The following LIN54 variants were observed in gnomAD, a reference collection of about 807,000 sequenced individuals.
LIN54 encodes the protein protein lin-54 homolog.
LIN54 carries 9 observed loss-of-function variants against 78.7 expected under a neutral mutation model. The ratio of observed to expected loss-of-function variants is 0.11; its 90% CI spans 0.07 to 0.20. The LOEUF (loss-of-function observed/expected upper bound fraction) is 0.20, where lower values mean the gene tolerates loss of function less well. Among genes scored for constraint, LIN54 ranks in the 10% least tolerant of loss-of-function variants. The pLI, the probability that LIN54 is intolerant of heterozygous loss-of-function variation, is 1.00. For missense variants in LIN54, 573 were observed against 889.9 expected (o/e 0.64, Z 4.53); for synonymous variants, 269 against 318.4 (o/e 0.84, Z 1.65).
chr4:82,992,168 A>C (rs1727773228), intron 1 of LIN54, among the ~76,000 whole-genome samples: 1 of 152,198 alleles, frequency 6.6e-6, no homozygotes, highest in South Asian at 2.1e-4. Flanking sequence ...TTTCTTCCCG[A>C]GTAACCTGGG....
At chr4:82,976,199 G>A (rs1418150317) in intron 3 of LIN54, among the ~76,000 whole-genome samples, 1 of 152,144 alleles carries the variant, frequency 6.6e-6, no homozygotes, top group Non-Finnish European at 1.5e-5. Flanking sequence ...AGAAAGCACT[G>A]GCATTTGAAC....
intron 4 of LIN54, among the ~76,000 whole-genome samples, chr4:82,967,318 G>A (rs947645160): frequency 5.9e-5 from 9 of 152,186 alleles, no homozygotes; most frequent in African/African-American, 1.7e-4. Flanking sequence ...GAGTTCCTGG[G>A]ATAACCTGAC....
intron 1 of LIN54, among the ~76,000 whole-genome samples, chr4:82,998,592 AAG>A (rs1358552888): frequency 6.6e-6 from 1 of 151,970 alleles, no homozygotes; most frequent in East Asian, 1.9e-4. Flanking sequence ...AGAGAAAGAA[AAG>A]AGAGAAAGAG....
At chr4:82,970,880 C>A (rs1237023167) in intron 3 of LIN54, among the ~76,000 whole-genome samples, 1 of 152,128 alleles carries the variant, frequency 6.6e-6, no homozygotes, top group East Asian at 1.9e-4. Context: ...CATGAAGGTA[C>A]AATTGAAATC....
chr4:83,011,698 C>G (rs552394529), upstream of LIN54, among the ~76,000 whole-genome samples: 1 of 151,854 alleles, frequency 6.6e-6, no homozygotes, highest in South Asian at 2.1e-4. Context: ...GTAAGAGTTA[C>G]CAGCTCTTGT....
intron 1 of LIN54, among the ~76,000 whole-genome samples, chr4:82,991,223 G>T (rs887710693): frequency 2.0e-5 from 3 of 149,870 alleles, no homozygotes; most frequent in Non-Finnish European, 4.4e-5. Flanking sequence ...ATTTATGTTA[G>T]CAATGTTGTG....
intron 1 of LIN54, among the ~76,000 whole-genome samples, chr4:82,995,365 A>T (rs903776025): frequency 1.3e-5 from 2 of 151,280 alleles, no homozygotes; most frequent in Admixed American, 6.6e-5. Flanking sequence ...ATTTTTTTTT[A>T]AAAAAGGTCT....
At chr4:82,980,160 G>C (rs905066563) in intron 2 of LIN54, among the ~76,000 whole-genome samples, 3 of 151,950 alleles carry the variant, frequency 2.0e-5, no homozygotes, top group Non-Finnish European at 2.9e-5. Flanking sequence ...TTCTCCACAA[G>C]TCAAGGAGTG....
At chr4:82,989,525 A>T (rs918470110) in intron 1 of LIN54, among the ~76,000 whole-genome samples, 5 of 152,178 alleles carry the variant, frequency 3.3e-5, no homozygotes, top group Non-Finnish European at 5.9e-5. Context: ...ACCCCCAACG[A>T]ATGATGATTT....
rs3081913 is a variant in LIN54 at position 82,941,149 on chromosome 4, G to GATATATATATATATATAT, written c.1169-1205_1169-1188dup. ...CATGAAGAGCTGTGGGAGTTAAGAG[G>GATATATATATATATATAT]ATATATATATATATATATATATATA... On this transcript the variant is annotated intron_variant, in intron 5 of 12. Coordinates refer to ENST00000340417, the MANE Select transcript of LIN54 (RefSeq NM_194282.4). Among the ~76,000 whole-genome samples, 175 of 131,100 alleles carry GATATATATATATATATAT rather than the reference G, an allele frequency of 1.3e-3. 1 individual carries two copies. The highest frequency in any genetic ancestry group is 4.9e-3 in the East Asian group (20 of 4,050). The allele number at this position is 131,100 out of a possible 152,430, so 86.0% of individuals were successfully genotyped here.
At chr4:82,990,501 T>C (rs1306017911) in intron 1 of LIN54, among the ~76,000 whole-genome samples, 1 of 151,898 alleles carries the variant, frequency 6.6e-6, no homozygotes, top group Non-Finnish European at 1.5e-5. Context: ...TTTTTTTTTC[T>C]GAGACAGAGT....
At chr4:82,960,137 G>T (rs1227083617) in intron 4 of LIN54, among the ~76,000 whole-genome samples, 1 of 152,088 alleles carries the variant, frequency 6.6e-6, no homozygotes, top group Admixed American at 6.5e-5. Context: ...TAGGAAAAAT[G>T]TTTTTTAATT....
Position 82,947,394 on chromosome 4 carries a change from TTGTGTGTGTGTGTGTGTGTG to T in LIN54, c.952-940_952-921del, listed in dbSNP as rs57298736. On this transcript the variant is annotated intron_variant, in intron 4 of 12. Transcript: ENST00000340417. Reference sequence around the variant, plus strand: ...ACCACAGGTACCACGCCCAGTTAATTTGTGTGTGTGTGTGTGTGTGTGTGTGTGTGTGTGTGTGTGTGTGT... The same window carrying T: ...ACCACAGGTACCACGCCCAGTTAATTTGTGTGTGTGTGTGTGTGTGTGTGT... Among the ~76,000 whole-genome samples the T allele has an allele frequency of 1.5e-3, 190 of 124,646 alleles. 1 individual carries two copies. The highest frequency in any genetic ancestry group is 5.5e-3 in the African/African-American group (168 of 30,320). 81.8% of individuals were successfully genotyped at this position (124,646 alleles called of 152,430 possible). A position where few individuals can be genotyped will look rare whatever the true frequency, so the allele number is the denominator to read the frequency against.
intron 4 of LIN54, among the ~76,000 whole-genome samples, chr4:82,950,701 GGACA>G (rs1560736885): frequency 6.6e-6 from 1 of 152,020 alleles, no homozygotes; most frequent in Admixed American, 6.6e-5. Context: ...TCAAAAACGC[GGACA>G]GACTTGCAAG....
At position 82,937,283 on chromosome 4, in the gene LIN54, C is replaced by T; in HGVS notation, c.1548G>A (p.Glu516=). 2 of 1,592,452 alleles carry T rather than the reference C, an allele frequency of 1.3e-6. No individual in the cohort carries two copies. The highest frequency in any genetic ancestry group is 1.7e-6 in the Non-Finnish European group (2 of 1,160,426). The change falls in exon 9 of 13, where the codon GAG becomes GAA. Residue 516 remains glutamate, a synonymous_variant. Transcript: ENST00000340417. ...AGGGCTTTCGGGGCCGACTGGCCGA[C>T]TCTGATGGGATTATGCTGTACAGAT... The part of the protein sequence containing the change: ...RLPFNGIIPS[E]SASRPRKPCN...
chr4:82,979,200 C>T (rs1726417281), intron 2 of LIN54, among the ~76,000 whole-genome samples, 194 bp from the exon 3 acceptor site: 3 of 151,932 alleles, frequency 2.0e-5, no homozygotes, highest in African/African-American at 7.3e-5. Context: ...ATCCTTAATC[C>T]CATATATAAT....
intron 2 of LIN54, among the ~76,000 whole-genome samples, chr4:82,980,593 A>G (rs1726553944): frequency 6.6e-6 from 1 of 152,124 alleles, no homozygotes; most frequent in Non-Finnish European, 1.5e-5. Context: ...CCATTATTGT[A>G]TTTAAAAACG....
chr4:83,001,191 C>G lies in LIN54; in HGVS notation c.-33+9293G>C, dbSNP rs557085293. Among the ~76,000 whole-genome samples the G allele has an allele frequency of 5.9e-5, 9 of 152,142 alleles. No homozygotes were observed. In the South Asian group the frequency reaches 8.3e-4, roughly 14 times the overall value. The stretch of plus-strand genomic sequence containing the variant: ...TGATTTCATAGGATTTATGACATAA[C>G]CAATGAAGAAAATCATGAAATAAAT... On this transcript the variant is annotated intron_variant, in intron 1 of 12. Coordinates refer to ENST00000340417, the MANE Select transcript of LIN54 (RefSeq NM_194282.4).
Position 82,960,536 on chromosome 4 carries a change from C to T in LIN54, c.951+9791G>A, listed in dbSNP as rs557417072. On this transcript the variant is annotated intron_variant, in intron 4 of 12. Transcript: ENST00000340417. ...GCAGCCTCAACCTCCTGGGCTCAAA[C>T]CATCCTCCTGCTTCAGCCTCCCGAG... Among the ~76,000 whole-genome samples the T allele has an allele frequency of 3.9e-5, 6 of 151,996 alleles. No homozygotes were observed. In the South Asian group the frequency reaches 1.2e-3, roughly 32 times the overall value.
Sources: allele counts gnomAD v4.1 joint callset (sites outside exome capture counted in the v4.1 genomes callset), GRCh38; gene constraint gnomAD v4.1.1; transcripts MANE v1.5; gene names NCBI Gene and HGNC (gene_info 2026-07-23, HGNC 2026-07-21).